Variants in TNR observed in about 807,000 individuals in gnomAD.
TNR encodes tenascin-R.
In TNR, 45 loss-of-function variants were observed where a neutral mutation model predicts 150.4. The observed-to-expected ratio is 0.30, with a 90% CI of 0.24 to 0.38. The LOEUF (loss-of-function observed/expected upper bound fraction) is 0.38, where lower values mean the gene tolerates loss of function less well. Among genes scored for constraint, TNR ranks in the 10% least tolerant of loss-of-function variants. TNR has a pLI of 1.00. For missense variants in TNR, 1,544 were observed against 1,759.1 expected, an observed-to-expected ratio of 0.88 and a Z score of 2.19; for synonymous variants, 687 against 678.4, an observed-to-expected ratio of 1.01 and a Z score of -0.20.
In TNR at chr1:175,643,355, G is replaced by T. The variant is rs556266942; in HGVS notation, c.-165+99871C>A. On this transcript the variant is annotated intron_variant, in intron 1 of 22. Coordinates refer to ENST00000367674, the MANE Select transcript of TNR (RefSeq NM_003285.3). ...TTTGGAAAGGAATCAGGAGTTTTTG[G>T]CTTTTAAACCATCACTGGGCCACAG... Among the ~76,000 whole-genome samples, 10 of 152,298 alleles carry T rather than the reference G, an allele frequency of 6.6e-5. No homozygotes were observed. In the South Asian group the frequency reaches 2.1e-3, roughly 32 times the overall value.
At chr1:175,737,929 C>T (rs1199885338) in intron 1 of TNR, among the ~76,000 whole-genome samples, 1 of 152,168 alleles carries the variant, frequency 6.6e-6, no homozygotes, top group Non-Finnish European at 1.5e-5. Flanking sequence ...GACGTGCTCC[C>T]CAAGGGTGAG....
At chr1:175,376,879 T>TATATATATATATAC (rs36055169) in intron 9 of TNR, among the ~76,000 whole-genome samples, 91 of 146,530 alleles carry the variant, frequency 6.2e-4, no homozygotes, top group African/African-American at 1.8e-3. Context: ...TATATATATA[T>TATATATATATATAC]ACACATATAT....
intron 21 of TNR, among the ~76,000 whole-genome samples, chr1:175,326,596 C>CTT (rs1426367866): frequency 1.3e-5 from 2 of 151,902 alleles, no homozygotes; most frequent in Non-Finnish European, 2.9e-5. Flanking sequence ...CCATCTGCAA[C>CTT]TCACTCTTTC....
chr1:175,453,553 TATTA>T (rs955505355), intron 2 of TNR, among the ~76,000 whole-genome samples: 2 of 151,976 alleles, frequency 1.3e-5, no homozygotes, highest in African/African-American at 4.8e-5. Flanking sequence ...ATTATTTATT[TATTA>T]TTTTATTATT....
intron 1 of TNR, among the ~76,000 whole-genome samples, chr1:175,663,553 G>A (rs1386865046): frequency 6.6e-6 from 1 of 152,144 alleles, no homozygotes; most frequent in South Asian, 2.1e-4. Context: ...CATGAACCAA[G>A]GATGTGATAG....
At chr1:175,639,741 A>C (rs1254853860) in intron 1 of TNR, among the ~76,000 whole-genome samples, 1 of 152,198 alleles carries the variant, frequency 6.6e-6, no homozygotes, top group Non-Finnish European at 1.5e-5. Context: ...CTTAGTCCTC[A>C]CCAGCCACCT....
At chr1:175,363,871 T>G (rs1328597886) in intron 12 of TNR, 44 bp from the exon 13 acceptor site, 3 of 1,574,204 alleles carry the variant, frequency 1.9e-6, no homozygotes, top group Non-Finnish European at 2.6e-6. Flanking sequence ...GAAAGCACAG[T>G]GTGAAAAAGA....
At chr1:175,375,518 G>A (rs931690220) in intron 9 of TNR, among the ~76,000 whole-genome samples, 8 of 152,160 alleles carry the variant, frequency 5.3e-5, no homozygotes, top group African/African-American at 1.9e-4. Flanking sequence ...CCTGGACTCT[G>A]TGTGGCAGAG....
At chr1:175,532,233 C>T (rs1174760874) in intron 1 of TNR, among the ~76,000 whole-genome samples, 1 of 152,206 alleles carries the variant, frequency 6.6e-6, no homozygotes, top group Non-Finnish European at 1.5e-5. Flanking sequence ...GCCCAATACC[C>T]CAAAGTATGG....
At chr1:175,338,346 C>A (rs1650345750) in intron 18 of TNR, among the ~76,000 whole-genome samples, 1 of 152,242 alleles carries the variant, frequency 6.6e-6, no homozygotes, top group South Asian at 2.1e-4. Flanking sequence ...TCAGAGACAA[C>A]AGCCCAATTT....
intron 10 of TNR, 62 bp from the exon 11 acceptor site, chr1:175,366,200 C>T (rs114472790): frequency 6.6e-7 from 1 of 1,505,520 alleles, no homozygotes; most frequent in Non-Finnish European, 8.9e-7. Context: ...TATTTATTGG[C>T]CTGCTTTGTG....
At chr1:175,563,346 T>C (rs934456807) in intron 1 of TNR, among the ~76,000 whole-genome samples, 2 of 152,200 alleles carry the variant, frequency 1.3e-5, no homozygotes, top group Non-Finnish European at 2.9e-5. Flanking sequence ...AAAAATTACT[T>C]GCAGTATTTT....
At chr1:175,345,441 A>T (rs1479005817) in intron 18 of TNR, among the ~76,000 whole-genome samples, 12 of 152,250 alleles carry the variant, frequency 7.9e-5, no homozygotes, top group Admixed American at 7.8e-4. Context: ...ACAGAATTTA[A>T]ATTAAGCACA....
At chr1:175,740,371 A>C (rs1667893868) in intron 1 of TNR, among the ~76,000 whole-genome samples, 1 of 152,222 alleles carries the variant, frequency 6.6e-6, no homozygotes, top group Non-Finnish European at 1.5e-5. Context: ...ACAATTGTCA[A>C]AACTTAATCT....
In TNR at chr1:175,331,078, C is replaced by CCTTCCTTCT. The variant is rs1649823861; in HGVS notation, c.3632-844_3632-843insAGAAGGAAG. 1.3e-4 allele frequency among the ~76,000 whole-genome samples: 8 copies of CCTTCCTTCT among 59,916 alleles called. 1 individual carries two copies. The highest frequency in any genetic ancestry group is 5.1e-4 in the African/African-American group (8 of 15,814). 39.3% of individuals were successfully genotyped at this position (59,916 alleles called of 152,430 possible). ...CTTTCTTTCTTTCTTTCTTTCTTTC[C>CCTTCCTTCT]TTCTTTCTTTCTTTCTTTCTTTCTC... On this transcript the variant is annotated intron_variant, in intron 20 of 22. Coordinates refer to ENST00000367674, the MANE Select transcript of TNR (RefSeq NM_003285.3).
intron 7 of TNR, among the ~76,000 whole-genome samples, chr1:175,390,837 C>T (rs941344475): frequency 6.6e-6 from 1 of 152,224 alleles, no homozygotes; most frequent in Non-Finnish European, 1.5e-5. Context: ...CTCATATTAA[C>T]TTAATGAAGA....
intron 1 of TNR, among the ~76,000 whole-genome samples, chr1:175,727,156 A>C (rs1467863149): frequency 6.6e-6 from 1 of 152,246 alleles, no homozygotes; most frequent in Non-Finnish European, 1.5e-5. Context: ...TCTACTTAAC[A>C]GTGCATATGG....
rs1951764 is a variant in TNR, at chr1:175,631,084, G to A, written c.-164-102715C>T. 6.7e-3 allele frequency among the ~76,000 whole-genome samples: 1,017 copies of A among 152,316 alleles called. 7 individuals are homozygous for A. Among genetic ancestry groups the A allele is most frequent in the African/African-American group, 0.024 (979 of 41,562 alleles). The stretch of plus-strand genomic sequence containing the variant: ...TCAACGGCGCAATCTTTGTGAAATA[G>A]GACCTGGAATGTCCTATGAAAATAA... On this transcript the variant is annotated intron_variant, in intron 1 of 22. Coordinates refer to ENST00000367674, the MANE Select transcript of TNR (RefSeq NM_003285.3).
chr1:175,333,333 CA>C (rs1490035919), intron 20 of TNR: 1 of 152,106 alleles, frequency 6.6e-6, no homozygotes, highest in Non-Finnish European at 1.5e-5. Context: ...AAATATGACA[CA>C]AATTGTGAAA....
Sources: allele counts gnomAD v4.1 joint callset (sites outside exome capture counted in the v4.1 genomes callset), GRCh38; gene constraint gnomAD v4.1.1; transcripts MANE v1.5; gene names NCBI Gene and HGNC (gene_info 2026-07-23, HGNC 2026-07-21).